Variants in EXOC4 observed in about 807,000 individuals in gnomAD.
The protein encoded by EXOC4 is SEC8-like 1.
A neutral mutation model predicts 107.2 loss-of-function variants in EXOC4; 71 were observed. That is an observed-to-expected ratio of 0.66 (90% CI 0.55 to 0.81). The LOEUF (loss-of-function observed/expected upper bound fraction) is 0.81, where lower values mean the gene tolerates loss of function less well. Ranked by LOEUF, EXOC4 falls within the 30% of genes least tolerant of loss-of-function variation. The pLI is 0.00. For synonymous variants in EXOC4, 456 were observed against 441.2 expected (o/e 1.03, Z -0.42); for missense variants, 1,108 against 1,189.6 (o/e 0.93, Z 1.01).
At chr7:134,067,678 C>CACACACACACA (rs1554442394), downstream of EXOC4, among the ~76,000 whole-genome samples, 1 of 149,546 alleles carries the variant, frequency 6.7e-6, no homozygotes, top group African/African-American at 2.5e-5. Flanking sequence ...CACACACAGG[C>CACACACACACA]AATTGTGTTC....
chr7:133,865,177 T>TG (rs1344304292), intron 11 of EXOC4, among the ~76,000 whole-genome samples: 2 of 152,124 alleles, frequency 1.3e-5, no homozygotes, highest in Non-Finnish European at 2.9e-5. Context: ...AGATTTAAGG[T>TG]GGATTCTAAG....
At chr7:133,687,260 TGGGAGGGGAGTGA>T (rs1794326066) in intron 10 of EXOC4, among the ~76,000 whole-genome samples, 1 of 151,480 alleles carries the variant, frequency 6.6e-6, no homozygotes, top group African/African-American at 2.4e-5. Flanking sequence ...CGGGAAAGGG[TGGGAGGGGAGTGA>T]GGGTTAAAAG....
intron 17 of EXOC4, among the ~76,000 whole-genome samples, chr7:134,037,947 C>G (rs1325072779): frequency 6.6e-6 from 1 of 152,066 alleles, no homozygotes; most frequent in African/African-American, 2.4e-5. Context: ...ATTCTGATCC[C>G]GGGGAGTTTT....
intron 17 of EXOC4, among the ~76,000 whole-genome samples, chr7:134,018,055 G>T (rs1206526638): frequency 1.3e-5 from 2 of 152,094 alleles, no homozygotes; most frequent in Non-Finnish European, 2.9e-5. Flanking sequence ...ATCTGTCATC[G>T]AATCCTGCTG....
chr7:133,802,153 T>C (rs1796959643), intron 10 of EXOC4, among the ~76,000 whole-genome samples: 1 of 152,200 alleles, frequency 6.6e-6, no homozygotes, highest in Admixed American at 6.5e-5. Context: ...GGTGGACTAA[T>C]TAGGAACCAG....
chr7:134,010,482 C>G (rs1794738082), intron 17 of EXOC4, among the ~76,000 whole-genome samples: 1 of 152,094 alleles, frequency 6.6e-6, no homozygotes, highest in Non-Finnish European at 1.5e-5. Context: ...CACTTTATAG[C>G]CTTATTTTTC....
At chr7:133,741,986 A>G (rs1243414840) in intron 10 of EXOC4, among the ~76,000 whole-genome samples, 1 of 152,190 alleles carries the variant, frequency 6.6e-6, no homozygotes, top group Non-Finnish European at 1.5e-5. Context: ...TATGAAATGA[A>G]TGCCCCCAAA....
chr7:133,392,435 C>G (rs1214894888), intron 7 of EXOC4, among the ~76,000 whole-genome samples: 2 of 152,060 alleles, frequency 1.3e-5, no homozygotes, highest in African/African-American at 4.8e-5. Flanking sequence ...GGTCCTTTAC[C>G]TAAGGTGAAT....
chr7:133,586,429 G>A (rs951282829), intron 9 of EXOC4, among the ~76,000 whole-genome samples: 1 of 152,170 alleles, frequency 6.6e-6, no homozygotes, highest in Admixed American at 6.5e-5. Flanking sequence ...TGCTACAAAG[G>A]ATGTGATCTT....
chr7:134,024,556 A>G (rs1795095528), intron 17 of EXOC4, among the ~76,000 whole-genome samples: 1 of 152,162 alleles, frequency 6.6e-6, no homozygotes, highest in African/African-American at 2.4e-5. Flanking sequence ...AAATCCAGTC[A>G]TTTTAAAAGA....
intron 5 of EXOC4, among the ~76,000 whole-genome samples, chr7:133,341,001 A>G (rs111502706): frequency 3.3e-5 from 5 of 151,132 alleles, no homozygotes; most frequent in African/African-American, 1.2e-4. Flanking sequence ...TTTGTATTTT[A>G]TTTATTTTTG....
rs554942221 is a variant in EXOC4 at position 133,620,707 on chromosome 7, A to G, written c.1418-9338A>G. Among the ~76,000 whole-genome samples, 15 of 152,324 alleles carry G rather than the reference A, an allele frequency of 9.8e-5. No homozygotes were observed. The South Asian group carries it at 2.5e-3, about 25-fold the overall frequency. On this transcript the variant is annotated intron_variant, in intron 9 of 17. Transcript: ENST00000253861. ...GCTTAGTGAAAAAAGAATGAAATGT[A>G]ATTAGAAGTAGGGTTCCCCAGCTCA...
chr7:133,910,636 A>G (rs974380439), intron 12 of EXOC4, among the ~76,000 whole-genome samples: 3 of 152,168 alleles, frequency 2.0e-5, no homozygotes, highest in Admixed American at 6.5e-5. Flanking sequence ...GCATAATACT[A>G]TTATCTTTGC....
At chr7:133,601,002 A>G (rs562367378) in intron 9 of EXOC4, among the ~76,000 whole-genome samples, 4 of 152,336 alleles carry the variant, frequency 2.6e-5, no homozygotes, top group African/African-American at 9.6e-5. Flanking sequence ...TGAATCACCT[A>G]TCCAGGGAAT....
chr7:133,587,197 A>G (rs886431804), intron 9 of EXOC4, among the ~76,000 whole-genome samples: 1 of 152,282 alleles, frequency 6.6e-6, no homozygotes, highest in Admixed American at 6.5e-5. Context: ...TCAAAATAGA[A>G]CAGGAAATAA....
chr7:133,839,947 C>T (rs967079493), intron 11 of EXOC4, among the ~76,000 whole-genome samples: 1 of 152,024 alleles, frequency 6.6e-6, no homozygotes, highest in African/African-American at 2.4e-5. Context: ...TAGAGAAGGG[C>T]AGATATACTA....
chr7:133,808,441 A>G (rs1797132253), intron 10 of EXOC4, among the ~76,000 whole-genome samples: 1 of 152,212 alleles, frequency 6.6e-6, no homozygotes, highest in Non-Finnish European at 1.5e-5. Flanking sequence ...CGACTCAGAT[A>G]ATACTAGTGA....
intron 4 of EXOC4, among the ~76,000 whole-genome samples, chr7:133,312,938 G>A (rs1174051887): frequency 6.6e-6 from 1 of 151,882 alleles, no homozygotes; most frequent in African/African-American, 2.4e-5. Context: ...GCATGATCCT[G>A]GATAATACTC....
intron 10 of EXOC4, among the ~76,000 whole-genome samples, chr7:133,679,099 C>A (rs374265914): frequency 6.6e-6 from 1 of 151,972 alleles, no homozygotes. Context: ...TAGGTCCTTG[C>A]CTTGGTGTGT....
Sources: gnomAD v4.1 joint callset for allele counts (sites outside exome capture counted in the v4.1 genomes callset) on GRCh38, gnomAD v4.1.1 for gene constraint, MANE v1.5 for transcripts, NCBI Gene and HGNC (gene_info 2026-07-23, HGNC 2026-07-21) for gene names.